The following PAQR3 variants were observed in gnomAD, a reference collection of about 807,000 sequenced individuals.
The protein encoded by PAQR3 is progestin and adipoQ receptor family member 3.
A neutral mutation model predicts 41.7 loss-of-function variants in PAQR3; 39 were observed. The observed-to-expected ratio is 0.93, with a 90% CI of 0.72 to 1.22. The LOEUF is 1.22. Among genes scored for constraint, PAQR3 ranks in the 50% most tolerant of loss-of-function variants. The pLI, the probability that PAQR3 is intolerant of heterozygous loss-of-function variation, is 0.00. For synonymous variants in PAQR3, 140 were observed against 140.6 expected, an observed-to-expected ratio of 1.00 and a Z score of 0.03; for missense variants, 366 against 385.6, an observed-to-expected ratio of 0.95 and a Z score of 0.42.
chr4:78,907,631 G>T (rs1323297645), downstream of PAQR3, among the ~76,000 whole-genome samples: 1 of 152,136 alleles, frequency 6.6e-6, no homozygotes, highest in Non-Finnish European at 1.5e-5. Context: ...AAATCCTAGG[G>T]TTCATAAAAT....
At chr4:78,900,172 A>G (rs1733921291) in intron 11 of PAQR3, among the ~76,000 whole-genome samples, 1 of 152,184 alleles carries the variant, frequency 6.6e-6, no homozygotes, top group South Asian at 2.1e-4. Flanking sequence ...ATGATGATCT[A>G]CTTTCACTTA....
In PAQR3 at chr4:78,911,926, C is replaced by A. The variant is rs771720782; in HGVS notation, c.*8613G>T. 1 of 1,613,968 alleles carries A rather than the reference C, an allele frequency of 6.2e-7. No individual in the cohort carries two copies. Among genetic ancestry groups the A allele is most frequent in the East Asian group, 2.2e-5 (1 of 44,874 alleles). ...GAAAATGGATGATTTTGGTGCCGTG[C>A]CCTTTACAGAACTTGTGGTGCAAAG... On this transcript the variant is annotated 3_prime_UTR_variant, in exon 6 of 6. Coordinates refer to ENST00000512733, the MANE Select transcript of PAQR3 (RefSeq NM_001040202.2).
intron 10 of PAQR3, among the ~76,000 whole-genome samples, chr4:78,906,824 C>A (rs1047499083): frequency 2.0e-5 from 3 of 152,206 alleles, no homozygotes; most frequent in African/African-American, 7.2e-5. Flanking sequence ...GTTCAGGCAC[C>A]GTTCTAAGTC....
At position 78,939,114 on chromosome 4, in the gene PAQR3, G is replaced by A. The variant is rs141641594; in HGVS notation, c.111C>T (p.Pro37=). The A allele has an allele frequency of 4.3e-6, 7 of 1,613,546 alleles. No homozygotes were observed. The East Asian group carries it at 1.3e-4, about 31-fold the overall frequency. Reference sequence around the variant, plus strand: ...TGTACGGGTTGTCCTTGAGGGACCCGGGGATCTGCTCGTAGGTGTACAGGC... The same window carrying A: ...TGTACGGGTTGTCCTTGAGGGACCCAGGGATCTGCTCGTAGGTGTACAGGC... ...GIRLYTYEQI[P]GSLKDNPYIT... The change falls in exon 1 of 6, where the codon CCC becomes CCT. Residue 37 remains proline, a synonymous_variant. Transcript: ENST00000512733.
Position 78,920,175 on chromosome 4 carries a change from G to A in PAQR3, c.*364C>T. 2.0e-6 allele frequency: 2 copies of A among 994,346 alleles called. No homozygotes were observed. The highest frequency in any genetic ancestry group is 2.4e-6 in the Non-Finnish European group (2 of 835,736). The allele number at this position is 994,346 out of a possible 1,614,324, so 61.6% of individuals were successfully genotyped here. The stretch of plus-strand genomic sequence containing the variant: ...TTGACAATTAACTGAAAATAATTAA[G>A]CACATAAGATGACTCCATTTTCTAA... On this transcript the variant is annotated 3_prime_UTR_variant, in exon 6 of 6. Coordinates refer to ENST00000512733, the MANE Select transcript of PAQR3 (RefSeq NM_001040202.2).
chr4:78,938,928 C>G, intron 1 of PAQR3, 112 bp downstream of exon 1: 1 of 1,032,794 alleles, frequency 9.7e-7, no homozygotes, highest in Non-Finnish European at 1.4e-6. Context: ...AAGGATGGGG[C>G]GGCGAGGAAA....
chr4:78,930,046 T>G, intron 3 of PAQR3, 124 bp downstream of exon 3: 1 of 868,674 alleles, frequency 1.2e-6, no homozygotes, highest in Admixed American at 3.1e-5. Flanking sequence ...TTTATGCTTA[T>G]ACGAGACTCT....
chr4:78,918,934 T>C lies in PAQR3; in HGVS notation c.*1605A>G. The C allele has an allele frequency of 1.0e-6, 1 of 985,090 alleles. No individual in the cohort carries two copies. 61.0% of individuals were successfully genotyped at this position (985,090 alleles called of 1,614,324 possible). ...ATCACTTAACATATGGATCAAAATT[T>C]TAACCTTATAAGGTAAAACAGCCAT... is the stretch of plus-strand genomic sequence containing the variant. On this transcript the variant is annotated 3_prime_UTR_variant, in exon 6 of 6. Transcript: ENST00000512733.
intron 4 of PAQR3, among the ~76,000 whole-genome samples, chr4:78,925,402 C>T (rs1021697797): frequency 2.0e-5 from 3 of 151,934 alleles, no homozygotes; most frequent in African/African-American, 7.3e-5. Flanking sequence ...GATGTTTTCA[C>T]AGATAGGAGG....
chr4:78,926,799 A>G lies in PAQR3; in HGVS notation c.505-81T>C, dbSNP rs548803239. ...AAAGTAATTTTGGCTTTTACACTAC[A>G]AATTCCAAAGTCTATTTACTTGGTA... On this transcript the variant is annotated intron_variant, in intron 3 of 5. Transcript: ENST00000512733. 1.4e-4 allele frequency: 174 copies of G among 1,246,152 alleles called. No homozygotes were observed. The African/African-American group carries it at 2.4e-3, about 17-fold the overall frequency. The allele number at this position is 1,246,152 out of a possible 1,614,324, so 77.2% of individuals were successfully genotyped here.
chr4:78,933,075 C>T, intron 2 of PAQR3: 1 of 432,768 alleles, frequency 2.3e-6, no homozygotes, highest in Admixed American at 2.5e-5. Flanking sequence ...AAAACTAGTA[C>T]CTGCAAGTCC....
chr4:78,906,959 A>G (rs1734316446), downstream of PAQR3, among the ~76,000 whole-genome samples: 1 of 152,174 alleles, frequency 6.6e-6, no homozygotes, highest in Non-Finnish European at 1.5e-5. Context: ...TTAATTACCC[A>G]TGAGGAGGGA....
chr4:78,932,510 C>A (rs7657727), intron 2 of PAQR3, among the ~76,000 whole-genome samples: 126,974 of 152,040 alleles, frequency 0.84, 53,077 homozygotes, highest in East Asian at 0.9. Flanking sequence ...TAGGCAGGTG[C>A]AAGGTAGCTA....
chr4:78,939,054 C>T lies in PAQR3; in HGVS notation c.171G>A (p.Arg57=), dbSNP rs200046650. 20 of 1,606,578 alleles carry T rather than the reference C, an allele frequency of 1.2e-5. No individual in the cohort carries two copies. The highest frequency in any genetic ancestry group is 2.2e-5 in the South Asian group (2 of 90,576). Residue 57 remains arginine, a synonymous_variant, in exon 1 of 6, where the codon AGG becomes AGA. Transcript: ENST00000512733. ...TDGYRAYLPS[R]LCIKSLFILS... Reference sequence around the variant, plus strand: ...CCAGACCGTACCTTTTGATACACAGCCTGGACGGCAGGTAGGCCCGGTAGC... The same window carrying T: ...CCAGACCGTACCTTTTGATACACAGTCTGGACGGCAGGTAGGCCCGGTAGC...
chr4:78,909,613 T>C (rs751327387), downstream of PAQR3, among the ~76,000 whole-genome samples: 17 of 152,202 alleles, frequency 1.1e-4, no homozygotes, highest in South Asian at 2.1e-4. Flanking sequence ...ATTGCTTTTA[T>C]TGGAAGCTGC....
downstream of PAQR3, chr4:78,911,844 G>A: frequency 6.2e-7 from 1 of 1,613,978 alleles, no homozygotes; most frequent in East Asian, 2.2e-5. Flanking sequence ...ATACTGTCCT[G>A]CCAGGGCGGC....
intron 1 of PAQR3, among the ~76,000 whole-genome samples, chr4:78,936,557 T>C (rs1364843313): frequency 6.6e-6 from 1 of 152,224 alleles, no homozygotes; most frequent in Non-Finnish European, 1.5e-5. Context: ...ATGATGTATA[T>C]AGCAAGGTGT....
Position 78,920,577 on chromosome 4 carries a change from G to C in PAQR3, c.898C>G (p.His300Asp), listed in dbSNP as rs762456057. ...ACATAGTCAGGACAAGGCTTGCTATGTCTGTACTGCATGACATACACTGTT... is the reference window on the plus strand; with the variant it reads ...ACATAGTCAGGACAAGGCTTGCTATCTCTGTACTGCATGACATACACTGTT... ...QSTVYVMQYR[H>D]SKPCPDYVSH... Residue 300 changes from histidine to aspartate, a missense_variant, in exon 6 of 6, where the codon CAT (histidine) becomes GAT (aspartate). By Grantham distance (81) the His-to-Asp change is moderately conservative. Coordinates refer to ENST00000512733, the MANE Select transcript of PAQR3 (RefSeq NM_001040202.2). The C allele has an allele frequency of 6.2e-7, 1 of 1,611,426 alleles. No homozygotes were observed. Among genetic ancestry groups the C allele is most frequent in the Non-Finnish European group, 8.5e-7 (1 of 1,178,388 alleles).
In PAQR3 at chr4:78,926,659, C is replaced by G. The variant is rs529751739; in HGVS notation, c.564G>C (p.Ala188=). The G allele has an allele frequency of 6.2e-7, 1 of 1,613,896 alleles. No individual in the cohort carries two copies. The highest frequency in any genetic ancestry group is 1.7e-5 in the Admixed American group (1 of 59,984). The part of the protein sequence containing the change: ...VLAMILAVFF[A]QIHPNYLTQQ... ...GCGTGAGGTAATTGGGATGAATCTG[C>G]GCAAAGAACACTGCCAGGATCATAG... Residue 188 remains alanine (A), a synonymous_variant, in exon 4 of 6, where the codon GCG becomes GCC. Coordinates refer to ENST00000512733, the MANE Select transcript of PAQR3 (RefSeq NM_001040202.2).
Sources: allele counts gnomAD v4.1 joint callset (sites outside exome capture counted in the v4.1 genomes callset), GRCh38; gene constraint gnomAD v4.1.1; transcripts MANE v1.5; gene names NCBI Gene and HGNC (gene_info 2026-07-23, HGNC 2026-07-21).